GEM: variants seen among roughly 807,000 people sequenced by gnomAD.
GEM encodes GTP-binding protein GEM.
Under a neutral mutation model 33.0 loss-of-function variants are expected in GEM, and 31 were observed. The ratio of observed to expected loss-of-function variants is 0.94; its 90% CI spans 0.71 to 1.27. GEM has a LOEUF of 1.27. GEM is among the 50% of genes most tolerant of loss of function. The probability of loss-of-function intolerance (pLI) is 0.00; values close to 1 mark genes in which losing one functional copy is unlikely to be tolerated. For missense variants in GEM, 354 were observed against 390.5 expected (o/e 0.91, Z 0.79); for synonymous variants, 141 against 143.7 (o/e 0.98, Z 0.13).
At chr8:94,251,793 G>A (rs533103662) in intron 4 of GEM, among the ~76,000 whole-genome samples, 14 of 152,240 alleles carry the variant, frequency 9.2e-5, no homozygotes, top group South Asian at 2.1e-4. Context: ...CCTTAAAAGC[G>A]GGAGGATTAG....
chr8:94,259,981 G>A (rs773532949), intron 2 of GEM, 192 bp downstream of exon 2: 55 of 532,390 alleles, frequency 1.0e-4, no homozygotes, highest in Non-Finnish European at 1.7e-4. Context: ...TTTTGGTCCT[G>A]TCTACAAGCA....
intron 2 of GEM, among the ~76,000 whole-genome samples, chr8:94,258,544 T>C (rs529008681): frequency 6.6e-6 from 1 of 152,160 alleles, no homozygotes; most frequent in Admixed American, 6.5e-5. Flanking sequence ...CAGGGGGCTA[T>C]GAAAAGACAC....
chr8:94,250,954 T>C (rs77213965), intron 4 of GEM, among the ~76,000 whole-genome samples: 7,163 of 152,262 alleles, frequency 0.047, 393 homozygotes, highest in African/African-American at 0.13. Context: ...TCCACAACAA[T>C]CTTGGAAAAT....
intron 4 of GEM, 113 bp from the exon 5 acceptor site, chr8:94,250,700 T>C (rs1348455021): frequency 7.5e-6 from 6 of 797,730 alleles, no homozygotes; most frequent in African/African-American, 7.1e-5. Flanking sequence ...ATGCAGTGGA[T>C]AGAGGATGCT....
chr8:94,253,482 A>AC (rs1395137559), intron 2 of GEM, among the ~76,000 whole-genome samples: 2 of 152,178 alleles, frequency 1.3e-5, no homozygotes, highest in African/African-American at 4.8e-5. Flanking sequence ...AACATTAACC[A>AC]CCCAGTGAAA....
intron 3 of GEM, among the ~76,000 whole-genome samples, chr8:94,252,667 T>C (rs1255679096): frequency 6.6e-6 from 1 of 152,216 alleles, no homozygotes; most frequent in Non-Finnish European, 1.5e-5. Flanking sequence ...TCTGAAGCTT[T>C]TTAAAATCTT....
At chr8:94,258,022 T>C (rs1034451734) in intron 2 of GEM, among the ~76,000 whole-genome samples, 7 of 152,132 alleles carry the variant, frequency 4.6e-5, no homozygotes, top group African/African-American at 1.7e-4. Flanking sequence ...TGTCTTTTCA[T>C]GGTCCCCTGC....
chr8:94,254,867 G>T (rs1808853638), intron 2 of GEM, among the ~76,000 whole-genome samples: 4 of 152,174 alleles, frequency 2.6e-5, no homozygotes. Context: ...GTAAGTGTTT[G>T]CCCTTGGGGA....
chr8:94,260,696 A>G (rs1809003389), intron 1 of GEM, 184 bp from the exon 2 acceptor site: 5 of 566,178 alleles, frequency 8.8e-6, no homozygotes, highest in Non-Finnish European at 1.3e-5. Context: ...CTGGACACAC[A>G]CATGCTGCCC....
chr8:94,253,854 G>C (rs557858350), intron 2 of GEM, among the ~76,000 whole-genome samples: 1 of 152,278 alleles, frequency 6.6e-6, no homozygotes, highest in East Asian at 1.9e-4. Context: ...AATCCATGGG[G>C]GGCAGGCGTA....
chr8:94,255,840 ACTCATG>A lies in GEM; in HGVS notation c.332-2734_332-2729del, dbSNP rs1300006402. ...TGTGCACACTCTATGTAGCAAAAGA[ACTCATG>A]CTGATGGGGACAGACAGACGTTCTA... is the stretch of plus-strand genomic sequence containing the variant. On this transcript the variant is annotated intron_variant, in intron 2 of 4. Coordinates refer to ENST00000297596, the MANE Select transcript of GEM (RefSeq NM_005261.4). Among the ~76,000 whole-genome samples, 5 of 152,102 alleles carry A rather than the reference ACTCATG, an allele frequency of 3.3e-5. No individual in the cohort carries two copies. In the East Asian group the frequency reaches 9.7e-4, roughly 29 times the overall value.
intron 1 of GEM, 75 bp downstream of exon 1, chr8:94,262,014 AC>A (rs1563609174): frequency 6.6e-6 from 1 of 152,154 alleles, no homozygotes; most frequent in African/African-American, 2.4e-5. Context: ...GAGGGAGGTG[AC>A]CCTTCTACCG....
chr8:94,261,652 C>G (rs1160990204), intron 1 of GEM, among the ~76,000 whole-genome samples: 1 of 152,184 alleles, frequency 6.6e-6, no homozygotes, highest in African/African-American at 2.4e-5. Flanking sequence ...CCTGAGCCAC[C>G]ATTCTCAGAT....
rs1017925631 is a variant in GEM at position 94,260,374 on chromosome 8, T to C, written c.130A>G (p.Asn44Asp). Residue 44 changes from asparagine to aspartate, a missense_variant, in exon 2 of 5, where the codon AAC (asparagine) becomes GAC (aspartate). Asn to Asp is a conservative substitution (Grantham distance 23). Coordinates refer to ENST00000297596, the MANE Select transcript of GEM (RefSeq NM_005261.4). ...TCCTCAGGGGTAGCAGAATGGCGGT[T>C]GCGGTGGCTGTACTGGTGGGGCTCT... ...QKEPHQYSHR[N>D]RHSATPEDHC... 3.1e-6 allele frequency: 5 copies of C among 1,613,894 alleles called. No homozygotes were observed. In the Admixed American group the frequency reaches 5.0e-5, roughly 16 times the overall value.
rs763307759 is a variant in GEM, at chr8:94,253,066, C to T, written c.378G>A (p.Thr126=). The change falls in exon 3 of 5, where the codon ACG becomes ACA. Residue 126 remains threonine (T), a synonymous_variant. Transcript: ENST00000297596. The part of the protein sequence containing the change: ...RTLMVDGESA[T]IILLDMWENK... ...TTTCCCACATATCCAGGAGTATAAT[C>T]GTTGCACTTTCCCCATCAACCATCA... 10 of 1,598,788 alleles carry T rather than the reference C, an allele frequency of 6.3e-6. No individual in the cohort carries two copies. The African/African-American group carries it at 1.3e-4, about 21-fold the overall frequency.
intron 2 of GEM, among the ~76,000 whole-genome samples, chr8:94,257,841 T>G (rs1808927115): frequency 6.6e-6 from 1 of 151,992 alleles, no homozygotes; most frequent in African/African-American, 2.4e-5. Context: ...TGTCGATTTT[T>G]TTTCTTACAG....
Position 94,260,371 on chromosome 8 carries a change from G to T in GEM, c.133C>A (p.Arg45Ser), listed in dbSNP as rs201351710. ...KEPHQYSHRN[R>S]HSATPEDHCR... ...TGGTCCTCAGGGGTAGCAGAATGGC[G>T]GTTGCGGTGGCTGTACTGGTGGGGC... The change falls in exon 2 of 5, where the codon CGC becomes AGC. Residue 45 changes from arginine to serine, a missense_variant. Physicochemically the swap from Arg to Ser is moderately radical, Grantham distance 110. Transcript: ENST00000297596. 5 of 1,614,016 alleles carry T rather than the reference G, an allele frequency of 3.1e-6. No homozygotes were observed. Among genetic ancestry groups the T allele is most frequent in the Non-Finnish European group, 4.2e-6 (5 of 1,180,026 alleles).
Position 94,250,580 on chromosome 8 carries a change from T to G in GEM, c.621A>C (p.Arg207Ser). 1 of 1,611,540 alleles carries G rather than the reference T, an allele frequency of 6.2e-7. No individual in the cohort carries two copies. The highest frequency in any genetic ancestry group is 8.5e-7 in the Non-Finnish European group (1 of 1,178,100). Reference sequence around the variant, plus strand: ...TGCAGTCAAACACCACTGCACAGGCTCTCCCTTCTGGGAAGGAAAGAAAGA... The same window carrying G: ...TGCAGTCAAACACCACTGCACAGGCGCTCCCTTCTGGGAAGGAAAGAAAGA... ...RCREVSVSEG[R>S]ACAVVFDCKF... Residue 207 changes from arginine to serine, a missense_variant, in exon 5 of 5, where the codon AGA becomes AGC. Physicochemically the swap from Arg to Ser is moderately radical, Grantham distance 110. Coordinates refer to ENST00000297596, the MANE Select transcript of GEM (RefSeq NM_005261.4).
chr8:94,255,771 G>A (rs776931920), intron 2 of GEM, among the ~76,000 whole-genome samples: 1 of 152,176 alleles, frequency 6.6e-6, no homozygotes, highest in Non-Finnish European at 1.5e-5. Context: ...TGGGTCTGGA[G>A]ACACCCCTAC....
Sources: allele counts gnomAD v4.1 joint callset (sites outside exome capture counted in the v4.1 genomes callset), GRCh38; gene constraint gnomAD v4.1.1; transcripts MANE v1.5; gene names NCBI Gene and HGNC (gene_info 2026-07-23, HGNC 2026-07-21).